Variants in COL23A1 observed in about 807,000 individuals in gnomAD.
The protein encoded by COL23A1 is collagen alpha-1(XXIII) chain.
Under a neutral mutation model 99.3 loss-of-function variants are expected in COL23A1, and 97 were observed. That is an observed-to-expected ratio of 0.98 (90% CI 0.83 to 1.16). COL23A1 has a LOEUF of 1.16. Among genes scored for constraint, COL23A1 ranks in the 50% most tolerant of loss-of-function variants. The pLI, the probability that COL23A1 is intolerant of heterozygous loss-of-function variation, is 0.00. For missense variants in COL23A1, 762 were observed against 757.4 expected (o/e 1.01, Z -0.07); for synonymous variants, 320 against 308.2 (o/e 1.04, Z -0.40).
At chr5:178,248,574 G>C (rs1195799161) in intron 19 of COL23A1, among the ~76,000 whole-genome samples, 2 of 152,178 alleles carry the variant, frequency 1.3e-5, no homozygotes. Context: ...GACACTGGAA[G>C]TGTCCCAGTG....
At chr5:178,312,955 CG>C (rs1179430805) in intron 2 of COL23A1, among the ~76,000 whole-genome samples, 1 of 152,230 alleles carries the variant, frequency 6.6e-6, no homozygotes, top group African/African-American at 2.4e-5. Context: ...CAAACGTCCA[CG>C]GACAGAAGAA....
In COL23A1 at chr5:178,584,308, C is replaced by CCACACACACA. The variant is rs4045513; in HGVS notation, c.294+5586_294+5595dup. Among the ~76,000 whole-genome samples, 286 of 145,130 alleles carry CCACACACACA rather than the reference C, an allele frequency of 2.0e-3. 1 individual carries two copies. Among genetic ancestry groups the CCACACACACA allele is most frequent in the Non-Finnish European group, 2.8e-3 (185 of 66,136 alleles). ...TACAGGTGTGAGCCACTGCACCTGGCCACACACACACACACACACACACAC... is the reference window on the plus strand; with the variant it reads ...TACAGGTGTGAGCCACTGCACCTGGCCACACACACACACACACACACACACACACACACAC... On this transcript the variant is annotated intron_variant, in intron 1 of 28. Transcript: ENST00000390654.
rs750426874 is a variant in COL23A1 at position 178,428,455 on chromosome 5, G to A, written c.362-121536C>T. On this transcript the variant is annotated intron_variant, in intron 2 of 28. Coordinates refer to ENST00000390654, the MANE Select transcript of COL23A1 (RefSeq NM_173465.4). This position sits in a 1 kb window ranked among gnomAD's most constrained non-coding sequence, Gnocchi z 5.0. ...GGGCCCCTTCCTCATTCTGCTGCTCGGAACTCCTTGTGACAAGGACTGAGT... is the reference window on the plus strand; with the variant it reads ...GGGCCCCTTCCTCATTCTGCTGCTCAGAACTCCTTGTGACAAGGACTGAGT... Among the ~76,000 whole-genome samples, 2 of 152,184 alleles carry A rather than the reference G, an allele frequency of 1.3e-5. No homozygotes were observed. The highest frequency in any genetic ancestry group is 1.9e-4 in the East Asian group (1 of 5,192).
At chr5:178,326,779 G>A (rs567924434) in intron 2 of COL23A1, among the ~76,000 whole-genome samples, 2 of 152,334 alleles carry the variant, frequency 1.3e-5, no homozygotes, top group African/African-American at 2.4e-5. Flanking sequence ...GAGTGCAGTG[G>A]CGCGATTTCG....
rs533208603 is a variant in COL23A1 at position 178,398,509 on chromosome 5, C to A, written c.362-91590G>T. 3.2e-4 allele frequency among the ~76,000 whole-genome samples: 49 copies of A among 151,962 alleles called. No individual in the cohort carries two copies. The South Asian group carries it at 8.1e-3, about 25-fold the overall frequency. ...GGGCGTGGTGGCACGTGCCTATAGT[C>A]CCAGCTACTTGGGAGGCTAAGGTGG... On this transcript the variant is annotated intron_variant, in intron 2 of 28. Coordinates refer to ENST00000390654, the MANE Select transcript of COL23A1 (RefSeq NM_173465.4).
At position 178,431,430 on chromosome 5, in the gene COL23A1, G is replaced by A. The variant is rs150581182; in HGVS notation, c.362-124511C>T. Reference sequence around the variant, plus strand: ...AGCCCTTCCCTAATCCCCAGAACCCGCGAATGGTTCCTTCTGTGGGAACAG... The same window carrying A: ...AGCCCTTCCCTAATCCCCAGAACCCACGAATGGTTCCTTCTGTGGGAACAG... On this transcript the variant is annotated intron_variant, in intron 2 of 28. Coordinates refer to ENST00000390654, the MANE Select transcript of COL23A1 (RefSeq NM_173465.4). Among the ~76,000 whole-genome samples, 18 of 152,310 alleles carry A rather than the reference G, an allele frequency of 1.2e-4. 1 individual carries two copies. Among genetic ancestry groups the A allele is most frequent in the South Asian group, 1.0e-3 (5 of 4,830 alleles).
intron 2 of COL23A1, among the ~76,000 whole-genome samples, chr5:178,453,623 T>C (rs570346863): frequency 1.1e-4 from 16 of 152,208 alleles, no homozygotes; most frequent in Non-Finnish European, 2.1e-4. Flanking sequence ...GTTCTTAAGA[T>C]TGGCCCACAG....
intron 2 of COL23A1, among the ~76,000 whole-genome samples, chr5:178,549,245 C>T (rs1389498117): frequency 3.6e-4 from 54 of 151,908 alleles, no homozygotes; most frequent in Admixed American, 3.5e-3. Flanking sequence ...CCACCCGCCT[C>T]GGCCTCCCAA....
intron 2 of COL23A1, among the ~76,000 whole-genome samples, chr5:178,379,190 T>A (rs1347591809): frequency 6.6e-6 from 1 of 151,008 alleles, no homozygotes; most frequent in African/African-American, 2.5e-5. Flanking sequence ...ATGAGACAAT[T>A]AAAAAAAACA....
chr5:178,590,189 T>A lies in COL23A1; in HGVS notation c.9A>T (p.Pro3=). 1 of 1,215,060 alleles carries A rather than the reference T, an allele frequency of 8.2e-7. No homozygotes were observed. Among genetic ancestry groups the A allele is most frequent in the Non-Finnish European group, 1.0e-6 (1 of 980,154 alleles). The allele number at this position is 1,215,060 out of a possible 1,614,324, so 75.3% of individuals were successfully genotyped here. The change falls in exon 1 of 29, where the codon CCA becomes CCT. Residue 3 remains proline, a synonymous_variant. Coordinates refer to ENST00000390654, the MANE Select transcript of COL23A1 (RefSeq NM_173465.4). This position sits in a 1 kb window ranked among gnomAD's most constrained non-coding sequence, Gnocchi z 5.7. Reference sequence around the variant, plus strand: ...CGCCGCCGCCACCGGCGCGCTCGCCTGGGCCCATGGCGCGTTCGTCGCGCG... The same window carrying A: ...CGCCGCCGCCACCGGCGCGCTCGCCAGGGCCCATGGCGCGTTCGTCGCGCG... MG[P]GERAGGGGDA...
rs1055757367 is a variant in COL23A1 at position 178,355,548 on chromosome 5, T to C, written c.362-48629A>G. On this transcript the variant is annotated intron_variant, in intron 2 of 28. Transcript: ENST00000390654. ...AGAAAAGAGGTTTGTTTTTATTTTTTTGGAGACAGAGTCTTGCTCTGTTGC... is the reference window on the plus strand; with the variant it reads ...AGAAAAGAGGTTTGTTTTTATTTTTCTGGAGACAGAGTCTTGCTCTGTTGC... Among the ~76,000 whole-genome samples the C allele has an allele frequency of 8.5e-5, 13 of 152,334 alleles. 1 individual carries two copies. The highest frequency in any genetic ancestry group is 8.3e-4 in the South Asian group (4 of 4,828).
chr5:178,244,165 A>G (rs1427896368), intron 25 of COL23A1, among the ~76,000 whole-genome samples: 1 of 135,188 alleles, frequency 7.4e-6, no homozygotes, highest in East Asian at 2.1e-4. Context: ...TTTTTTTTGT[A>G]TATTTAGTAG....
At chr5:178,314,472 C>T (rs1331641271) in intron 2 of COL23A1, among the ~76,000 whole-genome samples, 2 of 152,120 alleles carry the variant, frequency 1.3e-5, no homozygotes, top group East Asian at 1.9e-4. Context: ...GGCTTGGACA[C>T]GGTGCCATTC....
At chr5:178,250,020 C>T (rs778755803) in intron 18 of COL23A1, 41 bp downstream of exon 18, 1 of 1,608,706 alleles carries the variant, frequency 6.2e-7, no homozygotes, top group East Asian at 2.2e-5. Flanking sequence ...GAGCCCAATA[C>T]CAGGCACTGG....
chr5:178,351,102 G>A (rs1761299351), intron 2 of COL23A1: 1 of 152,322 alleles, frequency 6.6e-6, no homozygotes, highest in South Asian at 2.1e-4. Context: ...TCCCCGCGGG[G>A]TGGCACAGCA....
At position 178,588,127 on chromosome 5, in the gene COL23A1, C is replaced by CAGAG. The variant is rs372279717; in HGVS notation, c.294+1773_294+1776dup. 4.1e-3 allele frequency among the ~76,000 whole-genome samples: 622 copies of CAGAG among 151,504 alleles called. 5 individuals are homozygous for CAGAG. The highest frequency in any genetic ancestry group is 0.014 in the African/African-American group (573 of 41,430). ...TTTCTCTTGCCTTTCTAATCAAGAA[C>CAGAG]AGAGAGAGAGAGAGAACACACACCC... On this transcript the variant is annotated intron_variant, in intron 1 of 28. Transcript: ENST00000390654.
intron 8 of COL23A1, chr5:178,265,587 C>A (rs912544409): frequency 4.4e-5 from 35 of 801,600 alleles, no homozygotes; most frequent in Non-Finnish European, 5.1e-5. Context: ...TCTAACCCTG[C>A]AAACGTGGGG....
chr5:178,290,482 CG>C, intron 3 of COL23A1, 113 bp from the exon 4 acceptor site: 1 of 1,393,540 alleles, frequency 7.2e-7, no homozygotes, highest in Non-Finnish European at 1.0e-6. Flanking sequence ...CACCTCTCCC[CG>C]GAAGGCTTTG....
chr5:178,311,614 G>A (rs1399097334), intron 2 of COL23A1, among the ~76,000 whole-genome samples: 2 of 151,846 alleles, frequency 1.3e-5, no homozygotes, highest in Non-Finnish European at 2.9e-5. Context: ...CTGGAGTGGC[G>A]TGATCACAGT....
Sources: allele counts gnomAD v4.1 joint callset (sites outside exome capture counted in the v4.1 genomes callset), GRCh38; gene constraint gnomAD v4.1.1; non-coding constraint Gnocchi (gnomAD v3.1); transcripts MANE v1.5; gene names NCBI Gene and HGNC (gene_info 2026-07-23, HGNC 2026-07-21).